The following IPO8 variants were observed in gnomAD, a reference collection of about 807,000 sequenced individuals.
The protein encoded by IPO8 is importin 8, also known as importin-8.
A neutral mutation model predicts 141.2 loss-of-function variants in IPO8; 65 were observed. That is an observed-to-expected ratio of 0.46 (90% CI 0.38 to 0.57). IPO8 has a LOEUF of 0.57. IPO8 is among the 20% of genes least tolerant of loss of function. The pLI, the probability that IPO8 is intolerant of heterozygous loss-of-function variation, is 0.00. For synonymous variants in IPO8, 411 were observed against 420.3 expected (o/e 0.98, Z 0.27); for missense variants, 980 against 1,246.8 (o/e 0.79, Z 3.22).
At chr12:30,661,320 C>A in intron 15 of IPO8, 54 bp from the exon 16 acceptor site, 1 of 1,469,500 alleles carries the variant, frequency 6.8e-7, no homozygotes, top group Non-Finnish European at 9.0e-7. Flanking sequence ...TACGTCCCCG[C>A]TTTACAAAAG....
intron 20 of IPO8, among the ~76,000 whole-genome samples, chr12:30,644,649 T>TG (rs1414412966): frequency 1.9e-4 from 6 of 32,216 alleles, no homozygotes; most frequent in South Asian, 5.8e-4. Flanking sequence ...TGTTTTTTTT[T>TG]TTTGTTTTTT....
At chr12:30,678,341 T>C (rs1355829992) in intron 5 of IPO8, among the ~76,000 whole-genome samples, 3 of 152,148 alleles carry the variant, frequency 2.0e-5, no homozygotes, top group African/African-American at 7.2e-5. Context: ...TCATGGTAAG[T>C]ACCCTATACA....
chr12:30,666,572 T>C (rs1263429501), intron 10 of IPO8, among the ~76,000 whole-genome samples: 2 of 152,176 alleles, frequency 1.3e-5, no homozygotes, highest in Non-Finnish European at 2.9e-5. Context: ...ACTCAGCTCT[T>C]ACTATGTGCC....
chr12:30,640,170 G>C (rs2136128322), intron 20 of IPO8, among the ~76,000 whole-genome samples: 1 of 152,222 alleles, frequency 6.6e-6, no homozygotes, highest in South Asian at 2.1e-4. Flanking sequence ...GAAAATTCCT[G>C]TTAATATAAG....
At chr12:30,684,581 T>C (rs1190903226) in intron 2 of IPO8, 124 bp from the exon 3 acceptor site, 2 of 868,572 alleles carry the variant, frequency 2.3e-6, no homozygotes, top group African/African-American at 3.4e-5. Flanking sequence ...ATGGATACTC[T>C]TACAGGTATA....
At chr12:30,636,627 T>C (rs1175934534) in intron 22 of IPO8, among the ~76,000 whole-genome samples, 1 of 152,180 alleles carries the variant, frequency 6.6e-6, no homozygotes, top group African/African-American at 2.4e-5. Flanking sequence ...ATTTAACTCA[T>C]GGCTACTGCC....
At chr12:30,648,373 A>G (rs1591826724) in intron 20 of IPO8, among the ~76,000 whole-genome samples, 1 of 152,232 alleles carries the variant, frequency 6.6e-6, no homozygotes, top group Non-Finnish European at 1.5e-5. Context: ...AGAATACGCA[A>G]ATCTATAGAG....
At chr12:30,644,040 A>T in intron 20 of IPO8, among the ~76,000 whole-genome samples, 1 of 152,228 alleles carries the variant, frequency 6.6e-6, no homozygotes, top group East Asian at 1.9e-4. Context: ...TCACCTAAAA[A>T]GTACATAATA....
chr12:30,631,842 G>C, intron 24 of IPO8, 53 bp downstream of exon 24: 1 of 1,197,198 alleles, frequency 8.4e-7, no homozygotes, highest in Non-Finnish European at 1.2e-6. Flanking sequence ...AAATAAGGCT[G>C]TCTGTTGGCA....
chr12:30,656,963 G>T (rs1487017519), intron 16 of IPO8, among the ~76,000 whole-genome samples: 3 of 151,936 alleles, frequency 2.0e-5, no homozygotes, highest in Non-Finnish European at 1.5e-5. Context: ...ATTTATATTA[G>T]TTCCTTACCA....
chr12:30,677,167 T>C (rs2053133364), intron 5 of IPO8: 11 of 1,085,450 alleles, frequency 1.0e-5, no homozygotes, highest in Non-Finnish European at 1.4e-5. Flanking sequence ...GCTTACACTC[T>C]AACTGGAAAA....
In IPO8 at chr12:30,636,019, A is replaced by G. The variant is rs112270576; in HGVS notation, c.2695+963T>C. On this transcript the variant is annotated intron_variant, in intron 22 of 24. Coordinates refer to ENST00000256079, the MANE Select transcript of IPO8 (RefSeq NM_006390.4). ...TTGACACACAGTTAGCTAAAAACAAAACAAAACAAAACAAAAATCACACAT... is the reference window on the plus strand; with the variant it reads ...TTGACACACAGTTAGCTAAAAACAAGACAAAACAAAACAAAAATCACACAT... 1.2e-3 allele frequency among the ~76,000 whole-genome samples: 179 copies of G among 152,184 alleles called. 1 individual carries two copies. Among genetic ancestry groups the G allele is most frequent in the African/African-American group, 4.2e-3 (175 of 41,548 alleles).
At chr12:30,650,207 G>T (rs1017199473) in intron 19 of IPO8, among the ~76,000 whole-genome samples, 1 of 151,978 alleles carries the variant, frequency 6.6e-6, no homozygotes, top group East Asian at 1.9e-4. Flanking sequence ...CAGATTAGAT[G>T]ATTTTCTAGA....
chr12:30,665,991 T>G, intron 11 of IPO8, 146 bp from the exon 12 acceptor site: 1 of 677,976 alleles, frequency 1.5e-6, no homozygotes, highest in East Asian at 2.8e-5. Context: ...AAGTATAATT[T>G]ATTAAGAAAA....
chr12:30,631,678 C>A, intron 24 of IPO8: 2 of 436,978 alleles, frequency 4.6e-6, no homozygotes, highest in South Asian at 6.0e-5. Context: ...AATGAGAACA[C>A]CACTAGGAAA....
intron 2 of IPO8, chr12:30,686,250 G>A (rs764549186): frequency 5.9e-5 from 9 of 152,180 alleles, no homozygotes; most frequent in Non-Finnish European, 1.3e-4. Flanking sequence ...CTGGCAAAGA[G>A]TACACATTCC....
chr12:30,674,672 G>T lies in IPO8; in HGVS notation c.811C>A (p.Arg271=), dbSNP rs377410854. 7.8e-5 allele frequency: 125 copies of T among 1,609,430 alleles called. No homozygotes were observed. Among genetic ancestry groups the T allele is most frequent in the Non-Finnish European group, 1.0e-4 (123 of 1,176,032 alleles). Residue 271 remains arginine, a synonymous_variant, in exon 7 of 25, where the codon CGG becomes AGG. Transcript: ENST00000256079. ...CKKWALHIVA[R]LFERYGSPGN... Reference sequence around the variant, plus strand: ...ACAGATAATTACCGTTCAAAGAGCCGAGCTACAATATGCAGTGCCCACTTC... The same window carrying T: ...ACAGATAATTACCGTTCAAAGAGCCTAGCTACAATATGCAGTGCCCACTTC...
chr12:30,687,642 C>T (rs1189218654), intron 2 of IPO8, among the ~76,000 whole-genome samples: 1 of 151,948 alleles, frequency 6.6e-6, no homozygotes, highest in African/African-American at 2.4e-5. Context: ...TCTATCAAAA[C>T]AATATTAAAT....
rs757750952 is a variant in IPO8, at chr12:30,671,058, T to C, written c.948A>G (p.Glu316=). ...LKILDQYRQK[E]YVAPRVLQQA... is the part of the protein sequence containing the mutation. ...GCTGAAGAACACGGGGAGCTACATA[T>C]TCTTTCTGTCTATATTGATCTAAAA... is the stretch of plus-strand genomic sequence containing the variant. Residue 316 remains glutamate (E), a synonymous_variant, in exon 9 of 25, where the codon GAA becomes GAG. Coordinates refer to ENST00000256079, the MANE Select transcript of IPO8 (RefSeq NM_006390.4). 1 of 1,607,594 alleles carries C rather than the reference T, an allele frequency of 6.2e-7. No homozygotes were observed.
Sources: allele counts gnomAD v4.1 joint callset (sites outside exome capture counted in the v4.1 genomes callset), GRCh38; gene constraint gnomAD v4.1.1; transcripts MANE v1.5; gene names NCBI Gene and HGNC (gene_info 2026-07-23, HGNC 2026-07-21).